Variants in AUTS2 observed in about 807,000 individuals in gnomAD.
AUTS2 encodes the protein autism susceptibility gene 2 protein.
AUTS2 carries 17 observed loss-of-function variants against 112.4 expected under a neutral mutation model. That is an observed-to-expected ratio of 0.15 (90% confidence interval 0.10 to 0.23). AUTS2 has a LOEUF of 0.23. AUTS2 is among the 10% of genes least tolerant of loss of function. The probability of loss-of-function intolerance (pLI) is 1.00; values close to 1 mark genes in which losing one functional copy is unlikely to be tolerated. For missense variants in AUTS2, 1,510 were observed against 1,701.6 expected, an observed-to-expected ratio of 0.89 and a Z score of 1.98; for synonymous variants, 751 against 702.7, an observed-to-expected ratio of 1.07 and a Z score of -1.09.
chr7:70,737,804 G>T (rs2129553551), intron 6 of AUTS2, among the ~76,000 whole-genome samples: 1 of 152,172 alleles, frequency 6.6e-6, no homozygotes, highest in East Asian at 1.9e-4. Context: ...AGAGCCCTTG[G>T]GCTTCATAGG....
At chr7:70,707,716 C>A (rs749700269) in intron 6 of AUTS2, among the ~76,000 whole-genome samples, 1 of 152,180 alleles carries the variant, frequency 6.6e-6, no homozygotes, top group Non-Finnish European at 1.5e-5. Flanking sequence ...TGGCCAGAGT[C>A]GCCATAGTTA....
At chr7:69,906,090 C>T (rs1238266472) in intron 2 of AUTS2, among the ~76,000 whole-genome samples, 1 of 152,186 alleles carries the variant, frequency 6.6e-6, no homozygotes, top group Non-Finnish European at 1.5e-5. Flanking sequence ...CCATAAATTT[C>T]TACAATGTCA....
chr7:70,496,461 A>G (rs1432999503), intron 5 of AUTS2, among the ~76,000 whole-genome samples: 1 of 139,620 alleles, frequency 7.2e-6, no homozygotes, highest in African/African-American at 2.8e-5. Context: ...CACCACGTAC[A>G]CAGTCACACA....
intron 2 of AUTS2, among the ~76,000 whole-genome samples, chr7:69,998,658 CA>C (rs2129552412): frequency 6.6e-6 from 1 of 152,202 alleles, no homozygotes; most frequent in East Asian, 1.9e-4. Context: ...TTACAGCATC[CA>C]AACCAAATAG....
At chr7:69,888,389 T>C (rs577668525) in intron 1 of AUTS2, among the ~76,000 whole-genome samples, 138 of 151,348 alleles carry the variant, frequency 9.1e-4, no homozygotes, top group African/African-American at 3.3e-3. Context: ...ACCAGTCTCT[T>C]TTTAACAACC....
intron 5 of AUTS2, among the ~76,000 whole-genome samples, chr7:70,609,946 G>A (rs1803989759): frequency 6.9e-6 from 1 of 144,958 alleles, no homozygotes; most frequent in African/African-American, 2.6e-5. Flanking sequence ...TGAATCATAT[G>A]GAAGTTCTGT....
intron 1 of AUTS2, among the ~76,000 whole-genome samples, chr7:69,793,748 A>AAACATTTAAAAACATTAAATTTTTT (rs1239250286): frequency 1.3e-5 from 2 of 152,240 alleles, no homozygotes; most frequent in East Asian, 3.9e-4. Context: ...TTAAATGTTT[A>AAACATTTAAAAACATTAAATTTTTT]AACATTTAAA....
intron 4 of AUTS2, among the ~76,000 whole-genome samples, chr7:70,394,703 T>C (rs1415927981): frequency 1.3e-5 from 2 of 151,904 alleles, no homozygotes; most frequent in African/African-American, 2.4e-5. Context: ...AGTTCTGTTA[T>C]AGCCCAAGGT....
intron 5 of AUTS2, among the ~76,000 whole-genome samples, chr7:70,640,022 A>G (rs1805729352): frequency 6.6e-6 from 1 of 152,108 alleles, no homozygotes; most frequent in Admixed American, 6.6e-5. Flanking sequence ...TTCTGTAATG[A>G]TGGCTGAGCC....
chr7:69,892,729 G>T (rs1188652377), intron 1 of AUTS2, among the ~76,000 whole-genome samples: 1 of 152,046 alleles, frequency 6.6e-6, no homozygotes, highest in Non-Finnish European at 1.5e-5. Flanking sequence ...AAATTTTATG[G>T]TTTTAGGTTT....
At position 69,994,519 on chromosome 7, in the gene AUTS2, T is replaced by C. The variant is rs187988781; in HGVS notation, c.522+95021T>C. Reference sequence around the variant, plus strand: ...GTGTGTGTGTTTGTGTGTGTTTCCATGTTGTCTGTGTGAATATGTTAGAAT... The same window carrying C: ...GTGTGTGTGTTTGTGTGTGTTTCCACGTTGTCTGTGTGAATATGTTAGAAT... On this transcript the variant is annotated intron_variant, in intron 2 of 18. Coordinates refer to ENST00000342771, the MANE Select transcript of AUTS2 (RefSeq NM_015570.4). Among the ~76,000 whole-genome samples, 457 of 152,324 alleles carry C rather than the reference T, an allele frequency of 3.0e-3. 3 individuals are homozygous for C. Among genetic ancestry groups the C allele is most frequent in the African/African-American group, 0.01 (434 of 41,578 alleles).
intron 5 of AUTS2, among the ~76,000 whole-genome samples, chr7:70,681,222 G>C (rs1419818755): frequency 2.0e-5 from 3 of 152,232 alleles, no homozygotes; most frequent in African/African-American, 7.2e-5. Context: ...TTCAGGAGCA[G>C]ATGGCTCTGC....
intron 4 of AUTS2, among the ~76,000 whole-genome samples, chr7:70,299,472 G>T (rs1171448151): frequency 6.6e-6 from 1 of 152,140 alleles, no homozygotes. Flanking sequence ...CACACTTACG[G>T]TTTCTCCTCT....
At chr7:70,455,792 T>C (rs1796715666) in intron 5 of AUTS2, among the ~76,000 whole-genome samples, 1 of 151,940 alleles carries the variant, frequency 6.6e-6, no homozygotes, top group Non-Finnish European at 1.5e-5. Flanking sequence ...GTCGCTACAA[T>C]TAAAAAAAAG....
At chr7:70,688,039 T>C (rs1248049091) in intron 5 of AUTS2, among the ~76,000 whole-genome samples, 1 of 152,190 alleles carries the variant, frequency 6.6e-6, no homozygotes, top group Non-Finnish European at 1.5e-5. Flanking sequence ...TTCTCCATCC[T>C]AGGACCCTTG....
intron 2 of AUTS2, among the ~76,000 whole-genome samples, chr7:69,928,756 A>G (rs921860587): frequency 5.3e-5 from 8 of 151,894 alleles, no homozygotes; most frequent in African/African-American, 1.9e-4. Flanking sequence ...GTCTGTAGCC[A>G]CATCTAGGCA....
chr7:69,916,707 T>C (rs910378085), intron 2 of AUTS2, among the ~76,000 whole-genome samples: 1 of 152,164 alleles, frequency 6.6e-6, no homozygotes, highest in Non-Finnish European at 1.5e-5. Context: ...CTTCCCCCCA[T>C]TCTTACATCC....
At chr7:70,643,873 T>C (rs1478373845) in intron 5 of AUTS2, among the ~76,000 whole-genome samples, 4 of 152,214 alleles carry the variant, frequency 2.6e-5, no homozygotes, top group African/African-American at 9.6e-5. Context: ...TGCTGAGTGC[T>C]ATGTATTTTA....
chr7:70,734,005 T>G (rs574893744), intron 6 of AUTS2, among the ~76,000 whole-genome samples: 2 of 152,230 alleles, frequency 1.3e-5, no homozygotes, highest in South Asian at 4.2e-4. Context: ...GTGGCTGAGT[T>G]TCCTTTTATT....
Sources: gnomAD v4.1 joint callset for allele counts (sites outside exome capture counted in the v4.1 genomes callset) on GRCh38, gnomAD v4.1.1 for gene constraint, MANE v1.5 for transcripts, NCBI Gene and HGNC (gene_info 2026-07-23, HGNC 2026-07-21) for gene names.